ABLIM1: variants seen among roughly 807,000 people sequenced by gnomAD.
ABLIM1 encodes the protein actin binding LIM protein 1.
ABLIM1 carries 40 observed loss-of-function variants against 107.0 expected under a neutral mutation model. That is an observed-to-expected ratio of 0.37 (90% confidence interval 0.29 to 0.49). The LOEUF (loss-of-function observed/expected upper bound fraction) is 0.49. ABLIM1 is among the 20% of genes least tolerant of loss of function. ABLIM1 has a pLI of 0.97. For synonymous variants in ABLIM1, 357 were observed against 357.3 expected, an observed-to-expected ratio of 1.00 and a Z score of 0.01; for missense variants, 857 against 1,008.5, an observed-to-expected ratio of 0.85 and a Z score of 2.04.
At chr10:114,660,392 T>C (rs1199799655), upstream of ABLIM1, among the ~76,000 whole-genome samples, 1 of 150,638 alleles carries the variant, frequency 6.6e-6, no homozygotes, top group East Asian at 1.9e-4. Flanking sequence ...AAAGCACCAC[T>C]ACAGAACTTA....
chr10:114,760,541 T>C (rs920796447), intron 1 of ABLIM1, among the ~76,000 whole-genome samples: 7 of 151,922 alleles, frequency 4.6e-5, no homozygotes, highest in Non-Finnish European at 1.5e-5. Context: ...ATAAGAATAG[T>C]TGCCTATGGC....
intron 1 of ABLIM1, among the ~76,000 whole-genome samples, chr10:114,630,650 T>C: frequency 6.6e-6 from 1 of 152,210 alleles, no homozygotes; most frequent in Non-Finnish European, 1.5e-5. Context: ...ACAAGGATCA[T>C]CTTGAGTTCA....
At chr10:114,602,853 G>A (rs1475731585) in intron 1 of ABLIM1, among the ~76,000 whole-genome samples, 1 of 152,154 alleles carries the variant, frequency 6.6e-6, no homozygotes, top group Non-Finnish European at 1.5e-5. Flanking sequence ...CCAGCCCTGG[G>A]ACTGGGATGT....
At chr10:114,494,270 T>C (rs1423859122) in intron 6 of ABLIM1, among the ~76,000 whole-genome samples, 1 of 152,244 alleles carries the variant, frequency 6.6e-6, no homozygotes, top group Non-Finnish European at 1.5e-5. Flanking sequence ...TGGTGGCTCA[T>C]GCCTCTAATC....
At chr10:114,709,472 A>G (rs528639061) in intron 1 of ABLIM1, among the ~76,000 whole-genome samples, 2 of 152,244 alleles carry the variant, frequency 1.3e-5, no homozygotes, top group Non-Finnish European at 2.9e-5. Context: ...TAAATGCACC[A>G]TATACATTTT....
At chr10:114,630,909 A>C (rs756458648) in intron 1 of ABLIM1, among the ~76,000 whole-genome samples, 1 of 152,240 alleles carries the variant, frequency 6.6e-6, no homozygotes, top group African/African-American at 2.4e-5. Flanking sequence ...GAAAAAAATA[A>C]GTTACAGAAA....
chr10:114,517,794 C>T (rs2063110479), intron 6 of ABLIM1, among the ~76,000 whole-genome samples: 1 of 152,130 alleles, frequency 6.6e-6, no homozygotes, highest in South Asian at 2.1e-4. Context: ...TAGCTCGTCA[C>T]CTGTATGTGG....
At chr10:114,547,159 A>T (rs2067461981) in intron 5 of ABLIM1, among the ~76,000 whole-genome samples, 1 of 144,172 alleles carries the variant, frequency 6.9e-6, no homozygotes, top group Non-Finnish European at 1.5e-5. Flanking sequence ...GGCTACATTT[A>T]AAAAAAAAAA....
chr10:114,596,479 G>A (rs2075425521), intron 2 of ABLIM1, among the ~76,000 whole-genome samples: 1 of 152,142 alleles, frequency 6.6e-6, no homozygotes, highest in Non-Finnish European at 1.5e-5. Context: ...GAGCTCAGGA[G>A]TTTGAGACCA....
Position 114,450,374 on chromosome 10 carries a change from C to T in ABLIM1, c.1594+1250G>A, listed in dbSNP as rs12262335. ...TTTTGGTCTAAAATTTTTTTCCTTACGCATTTTCAATGTTATTTGATTTTG... is the reference window on the plus strand; with the variant it reads ...TTTTGGTCTAAAATTTTTTTCCTTATGCATTTTCAATGTTATTTGATTTTG... On this transcript the variant is annotated intron_variant, in intron 14 of 22. Coordinates refer to ENST00000533213, the MANE Select transcript of ABLIM1 (RefSeq NM_002313.7). Among the ~76,000 whole-genome samples, 454 of 150,626 alleles carry T rather than the reference C, an allele frequency of 3.0e-3. 1 individual carries two copies. Among genetic ancestry groups the T allele is most frequent in the African/African-American group, 0.01 (422 of 41,136 alleles).
At chr10:114,639,830 C>T (rs61867924) in intron 1 of ABLIM1, among the ~76,000 whole-genome samples, 4,793 of 152,314 alleles carry the variant, frequency 0.031, 96 homozygotes, top group Middle Eastern at 0.065. Flanking sequence ...TGTGTGTTTG[C>T]TATTCCTGCT....
At chr10:114,496,014 A>C (rs943116964) in intron 6 of ABLIM1, among the ~76,000 whole-genome samples, 7 of 152,238 alleles carry the variant, frequency 4.6e-5, no homozygotes, top group African/African-American at 1.7e-4. Flanking sequence ...TAATAACAAT[A>C]ATGATACGAA....
At chr10:114,469,418 C>T (rs2066005673) in intron 10 of ABLIM1, among the ~76,000 whole-genome samples, 1 of 152,174 alleles carries the variant, frequency 6.6e-6, no homozygotes, top group South Asian at 2.1e-4. Flanking sequence ...ATCAACAGGC[C>T]AAGCTTTCTG....
At chr10:114,782,400 C>T in the ABLIM1 span, among the ~76,000 whole-genome samples, 8 of 151,962 alleles carry the variant, frequency 5.3e-5, no homozygotes, top group South Asian at 1.5e-3. Context: ...AAGGAACTAC[C>T]CACAGAAAGA....
chr10:114,498,143 T>C (rs756271322), intron 6 of ABLIM1, among the ~76,000 whole-genome samples: 13 of 152,166 alleles, frequency 8.5e-5, no homozygotes, highest in Non-Finnish European at 1.5e-4. Context: ...TTACCATCCA[T>C]AGGGCCTCAA....
chr10:114,798,558 C>CCCT, the ABLIM1 span, among the ~76,000 whole-genome samples: 23 of 135,522 alleles, frequency 1.7e-4, no homozygotes, highest in African/African-American at 6.0e-4. Context: ...ATGATGAGAC[C>CCCT]CCCCCCCCAT....
intron 1 of ABLIM1, among the ~76,000 whole-genome samples, chr10:114,760,650 G>T (rs2082726261): frequency 6.6e-6 from 1 of 152,142 alleles, no homozygotes; most frequent in South Asian, 2.1e-4. Flanking sequence ...CATTACCTGA[G>T]AAGTGTGATT....
At chr10:114,772,963 AACAG>A (rs1337436650), upstream of ABLIM1, among the ~76,000 whole-genome samples, 3 of 152,182 alleles carry the variant, frequency 2.0e-5, no homozygotes, top group Non-Finnish European at 2.9e-5. Flanking sequence ...GGATAGATAA[AACAG>A]ACAAACAGAA....
At position 114,621,863 on chromosome 10, in the gene ABLIM1, T is replaced by C. The variant is rs1479440047; in HGVS notation, c.245-19902A>G. Among the ~76,000 whole-genome samples the C allele has an allele frequency of 7.2e-5, 11 of 152,382 alleles. No individual in the cohort carries two copies. The East Asian group carries it at 1.9e-3, about 27-fold the overall frequency. On this transcript the variant is annotated intron_variant, in intron 1 of 22. Transcript: ENST00000533213. ...ACTAGAAGCCCTTCGCTATGGCTCA[T>C]TGCTATTTCTGAGTTTTAGGCTAGG...
Sources: allele counts gnomAD v4.1 joint callset (sites outside exome capture counted in the v4.1 genomes callset), GRCh38; gene constraint gnomAD v4.1.1; transcripts MANE v1.5; gene names NCBI Gene and HGNC (gene_info 2026-07-23, HGNC 2026-07-21).